The following FBXL17 variants were observed in gnomAD, a reference collection of about 807,000 sequenced individuals.
The protein encoded by FBXL17 is F-box and leucine rich repeat protein 17.
A neutral mutation model predicts 66.2 loss-of-function variants in FBXL17; 22 were observed. That is an observed-to-expected ratio of 0.33 (90% CI 0.24 to 0.47). FBXL17 has a LOEUF of 0.47. Ranked by LOEUF, FBXL17 falls within the 20% of genes least tolerant of loss-of-function variation. The pLI, the probability that FBXL17 is intolerant of heterozygous loss-of-function variation, is 1.00. For missense variants in FBXL17, 878 were observed against 948.2 expected, an observed-to-expected ratio of 0.93 and a Z score of 0.97; for synonymous variants, 474 against 400.5, an observed-to-expected ratio of 1.18 and a Z score of -2.19.
In FBXL17 at chr5:107,878,508, T is replaced by G. The variant is rs1748681201; in HGVS notation, c.1965+2529A>C. On this transcript the variant is annotated intron_variant, in intron 8 of 8. Transcript: ENST00000542267. The stretch of plus-strand genomic sequence containing the variant: ...GAACAGGCACTGAGAGGTTAGTAAC[T>G]GCCCGCGGTGACACAACTAGTAAGT... The G allele has an allele frequency of 7.7e-6, 6 of 775,428 alleles. No individual in the cohort carries two copies. The South Asian group carries it at 1.8e-4, about 23-fold the overall frequency. The allele number at this position is 775,428 out of a possible 1,614,324, so 48.0% of individuals were successfully genotyped here.
intron 5 of FBXL17, among the ~76,000 whole-genome samples, chr5:108,190,334 C>CA (rs1266862081): frequency 1.3e-5 from 2 of 152,072 alleles, no homozygotes; most frequent in African/African-American, 4.8e-5. Flanking sequence ...AGAAAACAGT[C>CA]AGTTTTGATG....
chr5:107,978,304 T>A (rs55958078), intron 7 of FBXL17, among the ~76,000 whole-genome samples: 18,220 of 152,148 alleles, frequency 0.12, 1,341 homozygotes, highest in East Asian at 0.2. Context: ...GAAGCAGGGA[T>A]GATAACAATC....
At chr5:108,307,526 T>G (rs573188867) in intron 4 of FBXL17, among the ~76,000 whole-genome samples, 31 of 152,224 alleles carry the variant, frequency 2.0e-4, no homozygotes, top group Non-Finnish European at 3.5e-4. Flanking sequence ...CTGGGTAGTC[T>G]TGAACTCCTG....
At chr5:108,306,715 G>T (rs538701836) in intron 4 of FBXL17, among the ~76,000 whole-genome samples, 7 of 152,110 alleles carry the variant, frequency 4.6e-5, no homozygotes, top group South Asian at 4.2e-4. Flanking sequence ...ACAGGGGATA[G>T]CATTTTTCCA....
At chr5:107,881,849 C>T (rs57994859) in intron 7 of FBXL17, among the ~76,000 whole-genome samples, 15,407 of 152,140 alleles carry the variant, frequency 0.1, 906 homozygotes, top group South Asian at 0.2. Flanking sequence ...TGAAGCCTGT[C>T]GTCTGTAAAC....
intron 6 of FBXL17, among the ~76,000 whole-genome samples, chr5:108,077,036 T>G (rs1748579242): frequency 1.3e-5 from 2 of 152,164 alleles, no homozygotes; most frequent in South Asian, 4.1e-4. Context: ...TATCACTTTC[T>G]GACAGGTCCA....
In FBXL17 at chr5:108,217,642, ATATGTACTATATGTAC is replaced by A. The variant is rs1292728498; in HGVS notation, c.1614+6463_1614+6478del. Among the ~76,000 whole-genome samples, 6 of 150,502 alleles carry A rather than the reference ATATGTACTATATGTAC, an allele frequency of 4.0e-5. No individual in the cohort carries two copies. In the East Asian group the frequency reaches 7.0e-4, roughly 17 times the overall value. On this transcript the variant is annotated intron_variant, in intron 5 of 8. Transcript: ENST00000542267. ...ACAATATAGTTACTTACTATAGTAA[ATATGTACTATATGTAC>A]TATGTACTATATGTACTACAGTCTA... is the stretch of plus-strand genomic sequence containing the variant.
chr5:108,041,858 T>C (rs931209443), intron 6 of FBXL17, among the ~76,000 whole-genome samples: 3 of 152,224 alleles, frequency 2.0e-5, no homozygotes, highest in Non-Finnish European at 2.9e-5. Flanking sequence ...GCTAACGTTT[T>C]ACTATACTTC....
At chr5:108,143,935 T>G (rs1751460132) in intron 6 of FBXL17, among the ~76,000 whole-genome samples, 1 of 151,808 alleles carries the variant, frequency 6.6e-6, no homozygotes, top group African/African-American at 2.4e-5. Flanking sequence ...AAAACAAAAC[T>G]CAAAAAACTT....
intron 6 of FBXL17, among the ~76,000 whole-genome samples, chr5:108,036,823 A>G (rs749188069): frequency 3.3e-5 from 5 of 152,200 alleles, no homozygotes; most frequent in Non-Finnish European, 7.3e-5. Flanking sequence ...TCATATTGTT[A>G]TATACTTAGC....
At chr5:107,899,236 T>G (rs1464803770) in intron 7 of FBXL17, among the ~76,000 whole-genome samples, 1 of 152,234 alleles carries the variant, frequency 6.6e-6, no homozygotes, top group Admixed American at 6.5e-5. Context: ...ATTTACTTCA[T>G]TGTAAGAACA....
chr5:108,370,992 G>A (rs1749001197), intron 1 of FBXL17, among the ~76,000 whole-genome samples: 1 of 151,908 alleles, frequency 6.6e-6, no homozygotes, highest in South Asian at 2.1e-4. Flanking sequence ...TAATCCCCTA[G>A]TATGGAATTC....
Position 108,367,950 on chromosome 5 carries a change from A to G in FBXL17, c.997T>C (p.Phe333Leu). 2 of 1,550,272 alleles carry G rather than the reference A, an allele frequency of 1.3e-6. No individual in the cohort carries two copies. The highest frequency in any genetic ancestry group is 8.7e-7 in the Non-Finnish European group (1 of 1,146,116). Residue 333 changes from phenylalanine (F) to leucine (L), a missense_variant, in exon 2 of 9, where the codon TTT becomes CTT. By Grantham distance (22) the Phe-to-Leu change is conservative (BLOSUM62 0). Coordinates refer to ENST00000542267, the MANE Select transcript of FBXL17 (RefSeq NM_001163315.3). ...CGCTCATCCAGTGACAAATTGGAAA[A>G]TATCTGTGAATAAAAAACGGTACCA... is the stretch of plus-strand genomic sequence containing the variant. Reference protein sequence around the residue: ...QLPPSILLKIFSNLSLDERCL... With the variant: ...QLPPSILLKILSNLSLDERCL...
At chr5:108,297,983 G>A (rs1340813125) in intron 4 of FBXL17, 1 of 982,130 alleles carries the variant, frequency 1.0e-6, no homozygotes, top group Non-Finnish European at 1.2e-6. Flanking sequence ...TGACCCAACT[G>A]ACTGAATTCT....
chr5:107,946,350 A>C (rs537426536), intron 7 of FBXL17, among the ~76,000 whole-genome samples: 1 of 131,898 alleles, frequency 7.6e-6, no homozygotes, highest in East Asian at 2.1e-4. Context: ...GCTGAAGTGC[A>C]GTGACATGAT....
intron 6 of FBXL17, among the ~76,000 whole-genome samples, chr5:108,166,328 C>T (rs975888457): frequency 1.3e-5 from 2 of 152,208 alleles, no homozygotes; most frequent in African/African-American, 4.8e-5. Flanking sequence ...CGGTGTCTTA[C>T]CTCTAGCAGT....
At chr5:107,893,735 C>T (rs1749280491) in intron 7 of FBXL17, among the ~76,000 whole-genome samples, 2 of 152,160 alleles carry the variant, frequency 1.3e-5, no homozygotes, top group South Asian at 2.1e-4. Context: ...AGACTGATCA[C>T]TTTAATGAGT....
chr5:108,130,131 G>A (rs34431), intron 6 of FBXL17, among the ~76,000 whole-genome samples: 124,077 of 151,720 alleles, frequency 0.82, 51,423 homozygotes, highest in African/African-American at 0.95. Context: ...CATGAACATA[G>A]TAAATATAAT....
chr5:108,214,920 T>C (rs1004093730), intron 5 of FBXL17, among the ~76,000 whole-genome samples: 3 of 152,188 alleles, frequency 2.0e-5, no homozygotes, highest in Non-Finnish European at 2.9e-5. Context: ...CCAGTATAAA[T>C]GGGCATATTC....
Sources: gnomAD v4.1 joint callset for allele counts (sites outside exome capture counted in the v4.1 genomes callset) on GRCh38, gnomAD v4.1.1 for gene constraint, MANE v1.5 for transcripts, NCBI Gene and HGNC (gene_info 2026-07-23, HGNC 2026-07-21) for gene names.